UBE2H: variants seen among roughly 807,000 people sequenced by gnomAD.
UBE2H encodes ubiquitin-conjugating enzyme E2 H.
UBE2H carries 3 observed loss-of-function variants against 29.0 expected under a neutral mutation model. The observed-to-expected ratio is 0.10, with a 90% confidence interval of 0.05 to 0.27. The LOEUF is 0.27. Ranked by LOEUF, UBE2H falls within the 10% of genes least tolerant of loss-of-function variation. The pLI is 1.00. For missense variants in UBE2H, 68 were observed against 228.2 expected (o/e 0.30, Z 4.52); for synonymous variants, 69 against 82.9 (o/e 0.83, Z 0.91).
intron 3 of UBE2H, among the ~76,000 whole-genome samples, chr7:129,860,320 T>C (rs374671351): frequency 6.6e-6 from 1 of 152,326 alleles, no homozygotes; most frequent in Admixed American, 6.5e-5. Context: ...CTATGTGATG[T>C]TTAAGTTACT....
intron 3 of UBE2H, among the ~76,000 whole-genome samples, chr7:129,865,354 T>C (rs1237471131): frequency 6.6e-6 from 1 of 152,166 alleles, no homozygotes; most frequent in Non-Finnish European, 1.5e-5. Context: ...CTTCTGACAT[T>C]GGGGTCAATA....
At chr7:129,876,711 A>C (rs1806150400) in intron 3 of UBE2H, among the ~76,000 whole-genome samples, 1 of 152,214 alleles carries the variant, frequency 6.6e-6, no homozygotes, top group Non-Finnish European at 1.5e-5. Flanking sequence ...CAGAAGTAAA[A>C]TTCCAAAAAA....
At chr7:129,892,503 C>T (rs774297624) in intron 1 of UBE2H, among the ~76,000 whole-genome samples, 19 of 152,130 alleles carry the variant, frequency 1.2e-4, no homozygotes, top group East Asian at 3.9e-4. Context: ...CCACCCACCT[C>T]GGCCTCCCAA....
At chr7:129,906,660 A>G (rs965581187) in intron 1 of UBE2H, among the ~76,000 whole-genome samples, 7 of 152,204 alleles carry the variant, frequency 4.6e-5, no homozygotes, top group Non-Finnish European at 1.0e-4. Context: ...AGTTTTAAAA[A>G]GAAAAAAAAA....
chr7:129,838,840 T>C (rs1043535373), intron 6 of UBE2H, among the ~76,000 whole-genome samples: 1 of 152,162 alleles, frequency 6.6e-6, no homozygotes, highest in Non-Finnish European at 1.5e-5. Flanking sequence ...GGTTTCACCA[T>C]GTTGGCCAGG....
At chr7:129,941,424 T>C (rs910762528) in intron 1 of UBE2H, among the ~76,000 whole-genome samples, 32 of 152,156 alleles carry the variant, frequency 2.1e-4, no homozygotes, top group African/African-American at 7.5e-4. Flanking sequence ...CATGAGCCAC[T>C]GCGTCTGGCC....
Position 129,952,550 on chromosome 7 carries a change from T to C in UBE2H, c.6A>G (p.Ser2=), listed in dbSNP as rs748822943. 3.1e-6 allele frequency: 5 copies of C among 1,611,960 alleles called. No homozygotes were observed. Among genetic ancestry groups the C allele is most frequent in the Non-Finnish European group, 4.2e-6 (5 of 1,178,954 alleles). ...TCCGCCTCTTGCCCGGACTGGGAGA[T>C]GACATGGTGTCGCCGCCGCCTCTCT... The part of the protein sequence containing the change: M[S]SPSPGKRRMD... Residue 2 remains serine, a synonymous_variant, in exon 1 of 7, where the codon TCA becomes TCG. Coordinates refer to ENST00000355621, the MANE Select transcript of UBE2H (RefSeq NM_003344.4).
intron 1 of UBE2H, among the ~76,000 whole-genome samples, chr7:129,888,527 T>G (rs1291377254): frequency 2.6e-5 from 4 of 151,778 alleles, no homozygotes; most frequent in Non-Finnish European, 2.9e-5. Context: ...AAGGCTGGAG[T>G]GCAGTGGCCT....
intron 1 of UBE2H, among the ~76,000 whole-genome samples, chr7:129,928,115 G>A (rs372904425): frequency 4.0e-5 from 6 of 150,492 alleles, no homozygotes; most frequent in African/African-American, 1.5e-4. Context: ...GGCGGATCAT[G>A]AGGTCTGGGG....
intron 1 of UBE2H, among the ~76,000 whole-genome samples, chr7:129,900,064 A>T (rs1806678259): frequency 1.3e-5 from 2 of 152,048 alleles, no homozygotes; most frequent in South Asian, 4.2e-4. Flanking sequence ...TGGGAAGTGG[A>T]GACTGCAGTG....
At chr7:129,910,713 C>G (rs1358943173) in intron 1 of UBE2H, among the ~76,000 whole-genome samples, 1 of 152,006 alleles carries the variant, frequency 6.6e-6, no homozygotes, top group Non-Finnish European at 1.5e-5. Flanking sequence ...GAAACCCCGT[C>G]TCTACTAAAA....
intron 1 of UBE2H, among the ~76,000 whole-genome samples, chr7:129,931,838 T>TC (rs1442433907): frequency 6.9e-6 from 1 of 145,806 alleles, no homozygotes; most frequent in East Asian, 2.0e-4. Context: ...CTACTTTGCT[T>TC]TTTTTTTTTT....
chr7:129,858,281 T>G (rs556878394), intron 4 of UBE2H, among the ~76,000 whole-genome samples: 1 of 152,346 alleles, frequency 6.6e-6, no homozygotes, highest in South Asian at 2.1e-4. Flanking sequence ...AGGGGCATGA[T>G]GTATGTATAT....
chr7:129,841,093 T>C (rs1033554317), intron 5 of UBE2H, among the ~76,000 whole-genome samples: 1 of 152,206 alleles, frequency 6.6e-6, no homozygotes, highest in African/African-American at 2.4e-5. Context: ...GTGCTGAGGT[T>C]AAGAAACCCT....
At chr7:129,883,725 C>A in intron 1 of UBE2H, among the ~76,000 whole-genome samples, 1 of 152,186 alleles carries the variant, frequency 6.6e-6, no homozygotes, top group South Asian at 2.1e-4. Flanking sequence ...GCCTGTAGTC[C>A]CAGCTATTCA....
intron 1 of UBE2H, among the ~76,000 whole-genome samples, chr7:129,944,717 C>A (rs555173708): frequency 0.011 from 817 of 73,956 alleles, 5 homozygotes; most frequent in African/African-American, 0.038. Flanking sequence ...GCGCTCAAAA[C>A]ACACACACAC....
chr7:129,903,779 A>C (rs1017692647), intron 1 of UBE2H, among the ~76,000 whole-genome samples: 2 of 151,964 alleles, frequency 1.3e-5, no homozygotes, highest in Admixed American at 1.3e-4. Context: ...AGTGTTACAC[A>C]CCTGTTATCC....
intron 1 of UBE2H, among the ~76,000 whole-genome samples, chr7:129,945,515 C>A (rs1372578761): frequency 3.3e-5 from 5 of 152,068 alleles, no homozygotes; most frequent in South Asian, 2.1e-4. Context: ...AACTAAAACA[C>A]AACACAACAA....
chr7:129,883,126 AAAC>A (rs1168917079), intron 1 of UBE2H, among the ~76,000 whole-genome samples: 3 of 152,252 alleles, frequency 2.0e-5, no homozygotes, highest in African/African-American at 4.8e-5. Context: ...TAAACAATGA[AAAC>A]AACGAAAGAG....
Sources: allele counts gnomAD v4.1 joint callset (sites outside exome capture counted in the v4.1 genomes callset), GRCh38; gene constraint gnomAD v4.1.1; transcripts MANE v1.5; gene names NCBI Gene and HGNC (gene_info 2026-07-23, HGNC 2026-07-21).